ALK: variants seen among roughly 807,000 people sequenced by gnomAD.
ALK encodes ALK tyrosine kinase receptor.
ALK carries 74 observed loss-of-function variants against 163.1 expected under a neutral mutation model. The observed-to-expected ratio is 0.45, with a 90% CI of 0.38 to 0.55. ALK has a LOEUF of 0.55. ALK is among the 20% of genes least tolerant of loss of function. The pLI, the probability that ALK is intolerant of heterozygous loss-of-function variation, is 0.00. For missense variants in ALK, 2,063 were observed against 2,105.3 expected, an observed-to-expected ratio of 0.98 and a Z score of 0.39; for synonymous variants, 960 against 843.2, an observed-to-expected ratio of 1.14 and a Z score of -2.40.
intron 4 of ALK, among the ~76,000 whole-genome samples, chr2:29,516,099 G>A (rs1672655360): frequency 6.6e-6 from 1 of 152,236 alleles, no homozygotes; most frequent in African/African-American, 2.4e-5. Flanking sequence ...CAGGGCAGCA[G>A]AATGCATGCA....
chr2:29,790,576 A>AAC (rs371823669), intron 1 of ALK, among the ~76,000 whole-genome samples: 1 of 152,100 alleles, frequency 6.6e-6, no homozygotes, highest in Non-Finnish European at 1.5e-5. Context: ...TTGACATTGG[A>AAC]ACACACACAC....
intron 8 of ALK, among the ~76,000 whole-genome samples, chr2:29,298,549 G>A (rs952932324): frequency 1.1e-4 from 17 of 152,122 alleles, no homozygotes; most frequent in African/African-American, 3.9e-4. Context: ...TGGATGTGAG[G>A]TGGTACTTGT....
At chr2:29,475,088 A>T (rs180899284) in intron 4 of ALK, among the ~76,000 whole-genome samples, 1 of 152,218 alleles carries the variant, frequency 6.6e-6, no homozygotes, top group East Asian at 1.9e-4. Context: ...CTTCCCTATG[A>T]GTCTCTGAGC....
At chr2:29,493,060 C>T (rs574177442) in intron 4 of ALK, among the ~76,000 whole-genome samples, 1 of 152,304 alleles carries the variant, frequency 6.6e-6, no homozygotes, top group South Asian at 2.1e-4. Context: ...GATGAAATCT[C>T]TCCTGCTGTC....
At chr2:29,662,986 T>C (rs1677395661) in intron 3 of ALK, among the ~76,000 whole-genome samples, 1 of 152,166 alleles carries the variant, frequency 6.6e-6, no homozygotes, top group Admixed American at 6.5e-5. Context: ...TGTTTGATGA[T>C]TGACAATAAA....
At chr2:29,255,168 C>T (rs1664920127) in intron 11 of ALK, among the ~76,000 whole-genome samples, 1 of 152,204 alleles carries the variant, frequency 6.6e-6, no homozygotes, top group South Asian at 2.1e-4. Context: ...ATGATTCCCA[C>T]CAGCACTGCC....
At chr2:29,570,070 TAAC>T (rs1188139679) in intron 3 of ALK, among the ~76,000 whole-genome samples, 6 of 152,272 alleles carry the variant, frequency 3.9e-5, no homozygotes, top group African/African-American at 1.4e-4. Context: ...AAAGTCTCCT[TAAC>T]AACAGAGCCT....
intron 1 of ALK, among the ~76,000 whole-genome samples, chr2:29,850,671 G>A (rs1005997367): frequency 4.6e-5 from 7 of 152,154 alleles, no homozygotes; most frequent in African/African-American, 1.2e-4. Flanking sequence ...AGCCAGGCTC[G>A]GGGGTGTTTC....
At chr2:29,215,142 A>C (rs1467095334) in intron 23 of ALK, among the ~76,000 whole-genome samples, 1 of 152,218 alleles carries the variant, frequency 6.6e-6, no homozygotes, top group African/African-American at 2.4e-5. Flanking sequence ...AACTCCCTGC[A>C]GGAAATTCAT....
chr2:29,859,569 T>C (rs1423596419), intron 1 of ALK, among the ~76,000 whole-genome samples: 1 of 151,222 alleles, frequency 6.6e-6, no homozygotes, highest in African/African-American at 2.4e-5. Context: ...AAACCGCAGG[T>C]GGAAGAAGAA....
chr2:29,870,573 A>C (rs1042898402), intron 1 of ALK, among the ~76,000 whole-genome samples: 4 of 151,100 alleles, frequency 2.6e-5, no homozygotes, highest in African/African-American at 9.8e-5. Context: ...AGAAATAGTT[A>C]AGCAAATTAT....
intron 1 of ALK, among the ~76,000 whole-genome samples, chr2:29,729,603 AAG>A (rs796163210): frequency 1.2e-4 from 19 of 152,270 alleles, no homozygotes; most frequent in African/African-American, 4.6e-4. Context: ...GATGTCTAAA[AAG>A]AGGAAATTCA....
intron 3 of ALK, among the ~76,000 whole-genome samples, chr2:29,562,172 C>T (rs896172843): frequency 9.8e-5 from 15 of 152,314 alleles, no homozygotes; most frequent in African/African-American, 2.4e-4. Context: ...CTGTGGCTTA[C>T]GAGACAGCTT....
intron 2 of ALK, among the ~76,000 whole-genome samples, chr2:29,698,292 C>G (rs938626520): frequency 1.3e-5 from 2 of 152,150 alleles, no homozygotes; most frequent in African/African-American, 4.8e-5. Flanking sequence ...TTGTACTTTG[C>G]AACACCAAAG....
chr2:29,618,647 C>G (rs1675930757), intron 3 of ALK, among the ~76,000 whole-genome samples: 1 of 152,118 alleles, frequency 6.6e-6, no homozygotes, highest in Non-Finnish European at 1.5e-5. Flanking sequence ...ACGCTACAGA[C>G]TAGGTGGCTA....
intron 3 of ALK, among the ~76,000 whole-genome samples, chr2:29,581,206 G>C (rs991214647): frequency 6.6e-6 from 1 of 152,080 alleles, no homozygotes; most frequent in Non-Finnish European, 1.5e-5. Flanking sequence ...TGGCCAACAT[G>C]GTGAAACCCC....
chr2:29,885,155 G>C (rs1051769565), intron 1 of ALK, among the ~76,000 whole-genome samples: 5 of 152,172 alleles, frequency 3.3e-5, no homozygotes, highest in Non-Finnish European at 7.4e-5. Context: ...TTGCTAGTAA[G>C]GGACTACCCT....
chr2:29,398,006 G>C (rs1025201443), intron 4 of ALK, among the ~76,000 whole-genome samples: 1 of 152,210 alleles, frequency 6.6e-6, no homozygotes, highest in African/African-American at 2.4e-5. Flanking sequence ...TCACTTGGGA[G>C]TCAATTTCTG....
intron 3 of ALK, among the ~76,000 whole-genome samples, chr2:29,688,026 A>G (rs572525099): frequency 3.3e-5 from 5 of 152,248 alleles, no homozygotes; most frequent in Non-Finnish European, 7.3e-5. Flanking sequence ...AAGAATTTCT[A>G]TAAAGATATA....
Sources: allele counts gnomAD v4.1 joint callset (sites outside exome capture counted in the v4.1 genomes callset), GRCh38; gene constraint gnomAD v4.1.1; transcripts MANE v1.5; gene names NCBI Gene and HGNC (gene_info 2026-07-23, HGNC 2026-07-21).